ASB7: variants seen among roughly 807,000 people sequenced by gnomAD.
ASB7 encodes ankyrin repeat and SOCS box containing 7.
ASB7 carries 4 observed loss-of-function variants against 32.5 expected under a neutral mutation model. That is an observed-to-expected ratio of 0.12 (90% CI 0.06 to 0.28). The LOEUF is 0.28. Among genes scored for constraint, ASB7 ranks in the 10% least tolerant of loss-of-function variants. ASB7 has a pLI of 1.00. For missense variants in ASB7, 181 were observed against 407.1 expected, an observed-to-expected ratio of 0.44 and a Z score of 4.78; for synonymous variants, 172 against 155.6, an observed-to-expected ratio of 1.11 and a Z score of -0.78.
chr15:100,622,341 A>G (rs2039801177), intron 4 of ASB7, among the ~76,000 whole-genome samples: 1 of 152,234 alleles, frequency 6.6e-6, no homozygotes, highest in African/African-American at 2.4e-5. Context: ...TCCCATGCTC[A>G]TGGATTGGAA....
In ASB7 at chr15:100,611,484, C is replaced by CTT. The variant is rs61153969; in HGVS notation, c.-51-670_-51-669dup. Reference sequence around the variant, plus strand: ...GGTTAATCACCAGATTGTTTCGATTCTTTTTTTTTTTTTGAGACAGAATTT... The same window carrying CTT: ...GGTTAATCACCAGATTGTTTCGATTCTTTTTTTTTTTTTTTGAGACAGAATTT... On this transcript the variant is annotated intron_variant, in intron 3 of 5. Transcript: ENST00000332783. Among the ~76,000 whole-genome samples, 23 of 77,142 alleles carry CTT rather than the reference C, an allele frequency of 3.0e-4. 1 individual carries two copies. The highest frequency in any genetic ancestry group is 8.9e-4 in the Admixed American group (4 of 4,492). 50.6% of individuals were successfully genotyped at this position (77,142 alleles called of 152,430 possible).
chr15:100,610,581 T>G (rs975488189), intron 3 of ASB7, among the ~76,000 whole-genome samples: 1 of 152,242 alleles, frequency 6.6e-6, no homozygotes, highest in Non-Finnish European at 1.5e-5. Context: ...TTTTTAAATT[T>G]GAGCACTTAG....
chr15:100,643,513 G>C (rs142898846), intron 5 of ASB7, among the ~76,000 whole-genome samples: 1 of 138,422 alleles, frequency 7.2e-6, no homozygotes, highest in African/African-American at 2.8e-5. Flanking sequence ...TGAGGCAGAG[G>C]CTGGCTCATT....
intron 4 of ASB7, among the ~76,000 whole-genome samples, chr15:100,627,867 G>A (rs375610043): frequency 2.7e-5 from 4 of 150,774 alleles, no homozygotes; most frequent in Non-Finnish European, 5.9e-5. Context: ...GCATCTTGTA[G>A]ATTTCACGCC....
chr15:100,635,544 TG>T (rs1255715010), intron 5 of ASB7, among the ~76,000 whole-genome samples: 1 of 152,226 alleles, frequency 6.6e-6, no homozygotes, highest in Admixed American at 6.5e-5. Flanking sequence ...TTCCGGTCCC[TG>T]CAGTGCCCTT....
rs2040031168 is a variant in ASB7, at chr15:100,651,383, A to G, written c.*2921A>G. The G allele has an allele frequency of 6.6e-6, 1 of 152,200 alleles. No individual in the cohort carries two copies. Among genetic ancestry groups the G allele is most frequent in the African/African-American group, 2.4e-5 (1 of 41,450 alleles). The allele number at this position is 152,200 out of a possible 1,614,324, so 9.4% of individuals were successfully genotyped here. A position where few individuals can be genotyped will look rare whatever the true frequency, so the allele number is the denominator to read the frequency against. ...TCATGCTTGGAACAGCATTTCCACTAGAGAATCCAGCGTTCTGGCAGTAGC... is the reference window on the plus strand; with the variant it reads ...TCATGCTTGGAACAGCATTTCCACTGGAGAATCCAGCGTTCTGGCAGTAGC... On this transcript the variant is annotated 3_prime_UTR_variant, in exon 6 of 6. Coordinates refer to ENST00000332783, the MANE Select transcript of ASB7 (RefSeq NM_198243.3).
chr15:100,640,605 C>A (rs927029469), intron 5 of ASB7, among the ~76,000 whole-genome samples: 3 of 152,176 alleles, frequency 2.0e-5, no homozygotes. Context: ...CCTCCACCTC[C>A]AATTTCTACC....
chr15:100,607,139 G>A (rs376838531), intron 2 of ASB7, among the ~76,000 whole-genome samples: 14 of 149,028 alleles, frequency 9.4e-5, no homozygotes, highest in African/African-American at 3.0e-4. Flanking sequence ...GCAATAGAGC[G>A]AGCCTCCGTC....
At chr15:100,643,474 C>CTTT (rs1345038322) in intron 5 of ASB7, among the ~76,000 whole-genome samples, 73 of 132,596 alleles carry the variant, frequency 5.5e-4, no homozygotes, top group African/African-American at 2.0e-3. Context: ...TCAGTCCCTT[C>CTTT]TTCTTTTTTT....
intron 5 of ASB7, among the ~76,000 whole-genome samples, chr15:100,643,084 G>A (rs4553607): frequency 0.15 from 23,326 of 151,996 alleles, 1,870 homozygotes; most frequent in South Asian, 0.19. Context: ...TCAGGTGGCC[G>A]GCAAGTTGGT....
At chr15:100,627,592 A>G (rs1206816034) in intron 4 of ASB7, among the ~76,000 whole-genome samples, 2 of 152,360 alleles carry the variant, frequency 1.3e-5, no homozygotes, top group African/African-American at 2.4e-5. Flanking sequence ...TGTAGCTTCA[A>G]AATGTACATA....
chr15:100,607,557 C>G (rs146849439), intron 2 of ASB7, among the ~76,000 whole-genome samples: 5 of 152,288 alleles, frequency 3.3e-5, no homozygotes, highest in Non-Finnish European at 7.3e-5. Context: ...CGTTGATGCA[C>G]TAGTACATGC....
chr15:100,619,011 CT>C, intron 4 of ASB7, among the ~76,000 whole-genome samples: 1 of 152,196 alleles, frequency 6.6e-6, no homozygotes, highest in East Asian at 1.9e-4. Context: ...CAAACCGTTT[CT>C]TACCTGTAAT....
intron 5 of ASB7, among the ~76,000 whole-genome samples, chr15:100,638,063 A>G (rs981634143): frequency 2.0e-5 from 3 of 152,156 alleles, no homozygotes; most frequent in African/African-American, 7.2e-5. Flanking sequence ...TAGTAAATAT[A>G]GATAAGTATA....
intron 2 of ASB7, among the ~76,000 whole-genome samples, chr15:100,605,077 C>G (rs1236591967): frequency 6.6e-6 from 1 of 152,222 alleles, no homozygotes; most frequent in African/African-American, 2.4e-5. Context: ...AGTCTTTACT[C>G]TGGCTCTCAG....
chr15:100,610,957 A>AT (rs1351795154), intron 3 of ASB7, among the ~76,000 whole-genome samples: 1 of 152,184 alleles, frequency 6.6e-6, no homozygotes, highest in Non-Finnish European at 1.5e-5. Context: ...CACACTAAAA[A>AT]TGTTTTTGTA....
rs555686814 is a variant in ASB7, at chr15:100,609,828, G to A, written c.-52G>A. On this transcript the variant is annotated splice_region_variant and 5_prime_UTR_variant, in exon 3 of 6. Transcript: ENST00000332783. ...CAGGAGAAGGGACACTCTTCCATAAGGCAAGTTGCCTCAGGGTCATTGGTC... is the reference window on the plus strand; with the variant it reads ...CAGGAGAAGGGACACTCTTCCATAAAGCAAGTTGCCTCAGGGTCATTGGTC... 6.6e-6 allele frequency: 1 copy of A among 152,330 alleles called. No individual in the cohort carries two copies. Among genetic ancestry groups the A allele is most frequent in the African/African-American group, 2.4e-5 (1 of 41,566 alleles). The allele number at this position is 152,330 out of a possible 1,614,324, so 9.4% of individuals were successfully genotyped here.
In ASB7 at chr15:100,648,646, T is replaced by C. The variant is rs2040011738; in HGVS notation, c.*184T>C. On this transcript the variant is annotated 3_prime_UTR_variant, in exon 6 of 6. Transcript: ENST00000332783. ...GTAGGGGAGGGATTTTTTATATATA[T>C]ATAAAAACACACACCACATGCTTGA... The C allele has an allele frequency of 4.1e-6, 2 of 482,238 alleles. No homozygotes were observed. The highest frequency in any genetic ancestry group is 4.1e-5 in the Admixed American group (1 of 24,674). 29.9% of individuals were successfully genotyped at this position (482,238 alleles called of 1,614,324 possible).
At chr15:100,603,386 A>C (rs2039586622) in intron 2 of ASB7, 73 bp downstream of exon 2, 1 of 167,394 alleles carries the variant, frequency 6.0e-6, no homozygotes, top group Admixed American at 6.4e-5. Context: ...GTTTATTTTC[A>C]GGGTGGTTGC....
Sources: allele counts gnomAD v4.1 joint callset (sites outside exome capture counted in the v4.1 genomes callset), GRCh38; gene constraint gnomAD v4.1.1; transcripts MANE v1.5; gene names NCBI Gene and HGNC (gene_info 2026-07-23, HGNC 2026-07-21).